Variants in CCDC38 observed in about 807,000 individuals in gnomAD.
CCDC38 encodes the protein coiled-coil domain containing 38.
CCDC38 carries 69 observed loss-of-function variants against 72.8 expected under a neutral mutation model. The observed-to-expected ratio is 0.95, with a 90% confidence interval of 0.78 to 1.16. The LOEUF (loss-of-function observed/expected upper bound fraction) is 1.16. CCDC38 is among the 50% of genes most tolerant of loss of function. The pLI is 0.00. For missense variants in CCDC38, 626 were observed against 638.9 expected (o/e 0.98, Z 0.22); for synonymous variants, 201 against 213.2 (o/e 0.94, Z 0.50).
chr12:95,868,494 A>G (rs2079547273), intron 15 of CCDC38, among the ~76,000 whole-genome samples: 2 of 152,326 alleles, frequency 1.3e-5, no homozygotes, highest in South Asian at 4.1e-4. Context: ...ATTTATTTCA[A>G]TAAAATATTT....
chr12:95,910,546 T>C (rs11611877), intron 4 of CCDC38, among the ~76,000 whole-genome samples: 21,663 of 152,152 alleles, frequency 0.14, 1,710 homozygotes, highest in South Asian at 0.28. Context: ...ATGTCACTTT[T>C]CACAGAATTA....
intron 10 of CCDC38, among the ~76,000 whole-genome samples, chr12:95,882,967 G>T (rs762904229): frequency 6.6e-6 from 1 of 152,118 alleles, no homozygotes; most frequent in Non-Finnish European, 1.5e-5. Context: ...AATATTATTG[G>T]ATGGCAAGAC....
At chr12:95,921,601 A>C (rs1045134129) in intron 2 of CCDC38, among the ~76,000 whole-genome samples, 2 of 152,116 alleles carry the variant, frequency 1.3e-5, no homozygotes, top group African/African-American at 4.8e-5. Flanking sequence ...CCATGATCCA[A>C]TCACCTCTCT....
In CCDC38 at chr12:95,918,989, A is replaced by G; in HGVS notation, c.38-13T>C. 6.7e-7 allele frequency: 1 copy of G among 1,494,874 alleles called. No individual in the cohort carries two copies. The highest frequency in any genetic ancestry group is 2.3e-5 in the East Asian group (1 of 44,304). 92.6% of individuals were successfully genotyped at this position (1,494,874 alleles called of 1,614,324 possible). ...TCTTTTACTTTACCTGTTAAAAAAG[A>G]AAGAATGAATGAATGAATTCTGTCA... On this transcript the variant is annotated splice_polypyrimidine_tract_variant and intron_variant, in intron 2 of 15. Transcript: ENST00000344280.
chr12:95,879,566 C>A lies in CCDC38; in HGVS notation c.1142+78G>T. ...ATTCACAGAGACCACGAGGAAGAGCCACATGTGAGTGAGTTGGACCCAGGC... is the reference window on the plus strand; with the variant it reads ...ATTCACAGAGACCACGAGGAAGAGCAACATGTGAGTGAGTTGGACCCAGGC... On this transcript the variant is annotated intron_variant, in intron 12 of 15. Transcript: ENST00000344280. The surrounding 1 kb of genome is among the most constrained non-coding windows in gnomAD (Gnocchi z 5.5). 1 of 992,432 alleles carries A rather than the reference C, an allele frequency of 1.0e-6. No homozygotes were observed. The highest frequency in any genetic ancestry group is 1.7e-5 in the South Asian group (1 of 58,974). 61.5% of individuals were successfully genotyped at this position (992,432 alleles called of 1,614,324 possible).
At chr12:95,918,734 C>G (rs1404595267) in intron 3 of CCDC38, 142 bp downstream of exon 3, 1 of 605,636 alleles carries the variant, frequency 1.7e-6, no homozygotes, top group African/African-American at 1.9e-5. Flanking sequence ...TGTGTTCACA[C>G]TGTCTCCCCA....
chr12:95,882,815 T>C lies in CCDC38; in HGVS notation c.921-1261A>G, dbSNP rs1009358538. Among the ~76,000 whole-genome samples, 9 of 152,326 alleles carry C rather than the reference T, an allele frequency of 5.9e-5. No individual in the cohort carries two copies. The East Asian group carries it at 1.7e-3, about 29-fold the overall frequency. On this transcript the variant is annotated intron_variant, in intron 10 of 15. Coordinates refer to ENST00000344280, the MANE Select transcript of CCDC38 (RefSeq NM_182496.3). ...AATGACTCTCACATCTCTATCTCTT[T>C]CTTGAGCTTTAGATTTCAATGTCCA...
At chr12:95,924,066 G>T (rs372340189) in intron 2 of CCDC38, among the ~76,000 whole-genome samples, 2 of 96,876 alleles carry the variant, frequency 2.1e-5, no homozygotes, top group African/African-American at 5.0e-5. Context: ...CCAGTAATGG[G>T]ATGGCTGGGT....
intron 4 of CCDC38, among the ~76,000 whole-genome samples, chr12:95,915,433 G>T (rs976684168): frequency 6.6e-6 from 1 of 152,180 alleles, no homozygotes; most frequent in African/African-American, 2.4e-5. Context: ...TGCGAAGATG[G>T]AAATGGCACT....
chr12:95,890,002 G>C (rs1370755907), intron 9 of CCDC38, among the ~76,000 whole-genome samples: 1 of 152,000 alleles, frequency 6.6e-6, no homozygotes, highest in Non-Finnish European at 1.5e-5. Context: ...GCCTCGATTT[G>C]CTGGGCTCAA....
intron 5 of CCDC38, among the ~76,000 whole-genome samples, chr12:95,901,247 G>T (rs372300535): frequency 6.6e-6 from 1 of 152,082 alleles, no homozygotes; most frequent in Non-Finnish European, 1.5e-5. Context: ...CAATATTTTT[G>T]GTCTAAGCAA....
At chr12:95,905,419 G>A (rs2079991309) in intron 5 of CCDC38, among the ~76,000 whole-genome samples, 1 of 152,212 alleles carries the variant, frequency 6.6e-6, no homozygotes, top group Non-Finnish European at 1.5e-5. Context: ...CATCAGTTAT[G>A]TCAGTAGGAC....
At chr12:95,902,406 T>C (rs2079959339) in intron 5 of CCDC38, among the ~76,000 whole-genome samples, 1 of 152,182 alleles carries the variant, frequency 6.6e-6, no homozygotes, top group Admixed American at 6.5e-5. Flanking sequence ...AGGCAATTAC[T>C]GACCTGTCTT....
At chr12:95,920,751 T>A in intron 2 of CCDC38, among the ~76,000 whole-genome samples, 1 of 152,008 alleles carries the variant, frequency 6.6e-6, no homozygotes, top group East Asian at 1.9e-4. Flanking sequence ...CTTTTTGAAT[T>A]AGTGAAAATG....
At chr12:95,923,932 C>T (rs1331094435) in intron 2 of CCDC38, among the ~76,000 whole-genome samples, 1 of 140,906 alleles carries the variant, frequency 7.1e-6, no homozygotes, top group Non-Finnish European at 1.5e-5. Flanking sequence ...TTTCTCAATC[C>T]AGTCTATCAT....
intron 10 of CCDC38, among the ~76,000 whole-genome samples, chr12:95,883,428 A>G (rs554757968): frequency 6.6e-6 from 1 of 152,244 alleles, no homozygotes; most frequent in East Asian, 1.9e-4. Context: ...TTTACCCAGA[A>G]TGATAAACCT....
intron 14 of CCDC38, 173 bp from the exon 15 acceptor site, chr12:95,869,746 A>C: frequency 3.7e-6 from 2 of 546,434 alleles, no homozygotes; most frequent in South Asian, 4.8e-5. Context: ...GTAAATCTCG[A>C]CAACAAATAC....
intron 1 of CCDC38, among the ~76,000 whole-genome samples, chr12:95,937,788 A>G (rs997260509): frequency 3.3e-5 from 5 of 152,224 alleles, no homozygotes; most frequent in African/African-American, 1.2e-4. Flanking sequence ...TGTATCATTC[A>G]AAAAACATTT....
intron 8 of CCDC38, among the ~76,000 whole-genome samples, chr12:95,892,049 C>G (rs1291892444): frequency 2.0e-5 from 3 of 150,944 alleles, no homozygotes; most frequent in African/African-American, 7.3e-5. Context: ...GGGCTCACCT[C>G]CCTGGTTTCC....
Sources: allele counts gnomAD v4.1 joint callset (sites outside exome capture counted in the v4.1 genomes callset), GRCh38; gene constraint gnomAD v4.1.1; non-coding constraint Gnocchi (gnomAD v3.1); transcripts MANE v1.5; gene names NCBI Gene and HGNC (gene_info 2026-07-23, HGNC 2026-07-21).